The following TPST2 variants were observed in gnomAD, a reference collection of about 807,000 sequenced individuals.
The protein encoded by TPST2 is protein-tyrosine sulfotransferase 2.
A neutral mutation model predicts 27.8 loss-of-function variants in TPST2; 16 were observed. The ratio of observed to expected loss-of-function variants is 0.58; its 90% CI spans 0.39 to 0.88. The LOEUF is 0.88. TPST2 is among the 40% of genes least tolerant of loss of function. The probability of loss-of-function intolerance (pLI) is 0.00; values close to 1 mark genes in which losing one functional copy is unlikely to be tolerated. For missense variants in TPST2, 464 were observed against 543.1 expected, an observed-to-expected ratio of 0.85 and a Z score of 1.45; for synonymous variants, 229 against 231.7, an observed-to-expected ratio of 0.99 and a Z score of 0.10.
chr22:26,558,120 T>TACACACAC (rs71192941), intron 1 of TPST2, among the ~76,000 whole-genome samples: 2 of 141,428 alleles, frequency 1.4e-5, no homozygotes, highest in African/African-American at 2.6e-5. Context: ...ATATATATAA[T>TACACACAC]ACACACACAC....
At position 26,527,911 on chromosome 22, in the gene TPST2, C is replaced by A. The variant is rs143030962; in HGVS notation, c.*7+303G>T. On this transcript the variant is annotated intron_variant, in intron 6 of 6. Coordinates refer to ENST00000338754, the MANE Select transcript of TPST2 (RefSeq NM_003595.5). ...TGCAAAAATGGTTCCAGAATCTCCC[C>A]CTCCCCCATCATAGTGGTGCTTCCT... is the stretch of plus-strand genomic sequence containing the variant. Among the ~76,000 whole-genome samples, 112 of 152,334 alleles carry A rather than the reference C, an allele frequency of 7.4e-4. 2 individuals are homozygous for A. The East Asian group carries it at 0.019, about 26-fold the overall frequency.
rs1924619576 is a variant in TPST2, at chr22:26,522,729, T to C, written c.*3546A>G. The C allele has an allele frequency of 1.3e-5, 2 of 152,232 alleles. No individual in the cohort carries two copies. The highest frequency in any genetic ancestry group is 2.4e-5 in the African/African-American group (1 of 41,432). The allele number at this position is 152,232 out of a possible 1,614,324, so 9.4% of individuals were successfully genotyped here. On this transcript the variant is annotated 3_prime_UTR_variant, in exon 7 of 7. Coordinates refer to ENST00000338754, the MANE Select transcript of TPST2 (RefSeq NM_003595.5). ...GGAATGCTCAAAAAAGATGGTTTGC[T>C]CTAGAACAGGCAGCTGGTAAAAGGA... is the stretch of plus-strand genomic sequence containing the variant.
In TPST2 at chr22:26,578,402, G is replaced by A. The variant is rs766737275; in HGVS notation, c.-161+11651C>T. ...GATTATCAGGGCTCAAGGAGACCAC[G>A]CTGAATGGGAACTCTGGAAGTGGGG... is the stretch of plus-strand genomic sequence containing the variant. On this transcript the variant is annotated intron_variant, in intron 1 of 6. Coordinates refer to ENST00000338754, the MANE Select transcript of TPST2 (RefSeq NM_003595.5). 3.9e-5 allele frequency among the ~76,000 whole-genome samples: 6 copies of A among 152,266 alleles called. 1 individual carries two copies. Among genetic ancestry groups the A allele is most frequent in the Middle Eastern group, 3.4e-3 (1 of 294 alleles).
At chr22:26,583,706 G>T (rs1602308928) in intron 1 of TPST2, among the ~76,000 whole-genome samples, 2 of 151,536 alleles carry the variant, frequency 1.3e-5, no homozygotes, top group African/African-American at 4.8e-5. Context: ...TGGGCGTGGT[G>T]GCATGCGACT....
intron 1 of TPST2, among the ~76,000 whole-genome samples, chr22:26,564,453 C>T (rs566260847): frequency 6.6e-6 from 1 of 152,308 alleles, no homozygotes; most frequent in South Asian, 2.1e-4. Flanking sequence ...CTTGCCCCGT[C>T]ATGAATAACA....
At chr22:26,527,758 G>A (rs1037622813) in intron 6 of TPST2, among the ~76,000 whole-genome samples, 1 of 152,224 alleles carries the variant, frequency 6.6e-6, no homozygotes, top group African/African-American at 2.4e-5. Context: ...CACAGGACCA[G>A]TACCTGGCCC....
intron 1 of TPST2, among the ~76,000 whole-genome samples, chr22:26,559,141 C>T (rs944492003): frequency 5.9e-5 from 9 of 152,308 alleles, no homozygotes; most frequent in South Asian, 2.1e-4. Context: ...CCGAGGCAGG[C>T]GATCACCTGA....
chr22:26,558,073 T>TTA (rs71702234), intron 1 of TPST2, among the ~76,000 whole-genome samples: 1,597 of 143,784 alleles, frequency 0.011, 30 homozygotes, highest in African/African-American at 0.036. Context: ...TATATAAAAT[T>TTA]TATATATATA....
At chr22:26,544,868 C>T (rs1029964074) in intron 1 of TPST2, among the ~76,000 whole-genome samples, 193 bp from the exon 2 acceptor site, 1 of 152,340 alleles carries the variant, frequency 6.6e-6, no homozygotes, top group Non-Finnish European at 1.5e-5. Context: ...TCTACTCCTA[C>T]AGGGAATGAA....
chr22:26,527,583 A>C (rs1924911437), intron 6 of TPST2, among the ~76,000 whole-genome samples: 1 of 152,256 alleles, frequency 6.6e-6, no homozygotes, highest in African/African-American at 2.4e-5. Context: ...ATGTGCACTT[A>C]AAATCATTCA....
chr22:26,569,005 A>C (rs2147228587), intron 1 of TPST2, among the ~76,000 whole-genome samples: 1 of 151,716 alleles, frequency 6.6e-6, no homozygotes, highest in Middle Eastern at 3.4e-3. Flanking sequence ...CTGGGACTAC[A>C]GGCGCCCACC....
At chr22:26,555,510 G>A (rs1464464135) in intron 1 of TPST2, among the ~76,000 whole-genome samples, 1 of 152,206 alleles carries the variant, frequency 6.6e-6, no homozygotes, top group Non-Finnish European at 1.5e-5. Flanking sequence ...GTCTGAAAAC[G>A]GCACCTACCT....
chr22:26,584,539 G>A (rs1482717511), intron 1 of TPST2, among the ~76,000 whole-genome samples: 3 of 151,972 alleles, frequency 2.0e-5, no homozygotes, highest in Non-Finnish European at 2.9e-5. Context: ...GGTGGCTCAC[G>A]CCTGTAACCC....
intron 1 of TPST2, among the ~76,000 whole-genome samples, chr22:26,564,365 G>A (rs1159256179): frequency 1.3e-5 from 2 of 152,222 alleles, no homozygotes; most frequent in African/African-American, 2.4e-5. Context: ...ATCTGTGAGC[G>A]CCACTGGCAA....
chr22:26,555,997 C>A (rs867628508), intron 1 of TPST2, among the ~76,000 whole-genome samples: 1 of 152,200 alleles, frequency 6.6e-6, no homozygotes, highest in African/African-American at 2.4e-5. Context: ...ATCTCTTCAA[C>A]CATCTGGTGA....
chr22:26,544,106 C>T (rs1925998581), intron 2 of TPST2, among the ~76,000 whole-genome samples: 1 of 152,222 alleles, frequency 6.6e-6, no homozygotes, highest in Admixed American at 6.5e-5. Flanking sequence ...CTGCCACTTG[C>T]CAGCTGGTGA....
chr22:26,547,854 C>T (rs1467161927), intron 1 of TPST2, among the ~76,000 whole-genome samples: 4 of 152,176 alleles, frequency 2.6e-5, no homozygotes, highest in African/African-American at 2.4e-5. Context: ...GGGTGGTACT[C>T]GGGTGGTAGG....
chr22:26,562,145 G>A (rs1050418992), intron 1 of TPST2, among the ~76,000 whole-genome samples: 4 of 152,236 alleles, frequency 2.6e-5, no homozygotes, highest in Non-Finnish European at 5.9e-5. Flanking sequence ...GCCACAGGGT[G>A]GCAGAGGAGA....
intron 1 of TPST2, among the ~76,000 whole-genome samples, chr22:26,561,808 T>C (rs9613212): frequency 0.39 from 59,178 of 151,986 alleles, 11,786 homozygotes; most frequent in East Asian, 0.52. Flanking sequence ...TAGGGAGCCA[T>C]GGCAGATGTT....
Sources: allele counts gnomAD v4.1 joint callset (sites outside exome capture counted in the v4.1 genomes callset), GRCh38; gene constraint gnomAD v4.1.1; transcripts MANE v1.5; gene names NCBI Gene and HGNC (gene_info 2026-07-23, HGNC 2026-07-21).